The following CDC42SE2 variants were observed in gnomAD, a reference collection of about 807,000 sequenced individuals.
CDC42SE2 encodes the protein CDC42 small effector 2, also known as CDC42 small effector protein 2.
A neutral mutation model predicts 11.5 loss-of-function variants in CDC42SE2; 3 were observed. That is an observed-to-expected ratio of 0.26 (90% CI 0.12 to 0.67). The LOEUF (loss-of-function observed/expected upper bound fraction) is 0.67. Ranked by LOEUF, CDC42SE2 falls within the 30% of genes least tolerant of loss-of-function variation. The pLI is 0.80. For synonymous variants in CDC42SE2, 33 were observed against 34.8 expected (o/e 0.95, Z 0.18); for missense variants, 82 against 106.8 (o/e 0.77, Z 1.02).
intron 1 of CDC42SE2, among the ~76,000 whole-genome samples, chr5:131,301,148 G>A (rs1304228009): frequency 6.6e-6 from 1 of 152,134 alleles, no homozygotes; most frequent in East Asian, 1.9e-4. Context: ...CTGTGGGTGT[G>A]TATATGTGTT....
intron 1 of CDC42SE2, chr5:131,252,933 C>T (rs1756653148): frequency 6.6e-6 from 1 of 152,250 alleles, no homozygotes; most frequent in Admixed American, 6.5e-5. Flanking sequence ...ATTTCCTCCA[C>T]TAGATCTATC....
At chr5:131,235,193 AG>A in the CDC42SE2 span, among the ~76,000 whole-genome samples, 2 of 151,340 alleles carry the variant, frequency 1.3e-5, no homozygotes, top group African/African-American at 4.9e-5. Flanking sequence ...CTGGCCAGTG[AG>A]GGCAAATAGT....
intron 2 of CDC42SE2, among the ~76,000 whole-genome samples, chr5:131,337,985 C>G (rs1260209139): frequency 6.6e-6 from 1 of 152,246 alleles, no homozygotes; most frequent in Non-Finnish European, 1.5e-5. Context: ...CCGGCACTCC[C>G]CAGTGAGATG....
Position 131,316,107 on chromosome 5 carries a change from A to G in CDC42SE2, c.-323A>G, listed in dbSNP as rs550818352. ...GCATAATATGGAATGTTCTTAACCC[A>G]GAAGTAGCTGAATGTGTTACTCCAT... On this transcript the variant is annotated 5_prime_UTR_variant, in exon 2 of 5. Transcript: ENST00000505065. The G allele has an allele frequency of 1.3e-4, 20 of 152,498 alleles. No homozygotes were observed. Among genetic ancestry groups the G allele is most frequent in the African/African-American group, 4.3e-4 (18 of 41,586 alleles). 9.4% of individuals were successfully genotyped at this position (152,498 alleles called of 1,614,324 possible).
At chr5:131,340,734 G>T (rs751584462) in intron 2 of CDC42SE2, among the ~76,000 whole-genome samples, 3 of 151,550 alleles carry the variant, frequency 2.0e-5, no homozygotes, top group Non-Finnish European at 4.4e-5. Context: ...ATCCAGGCTG[G>T]AGTGCAGTGG....
chr5:131,289,874 C>T (rs1342035525), intron 1 of CDC42SE2, among the ~76,000 whole-genome samples: 1 of 151,766 alleles, frequency 6.6e-6, no homozygotes, highest in Non-Finnish European at 1.5e-5. Context: ...GGGACTCGCT[C>T]TGTCACCTAA....
chr5:131,293,777 G>C (rs1475994192), intron 1 of CDC42SE2, among the ~76,000 whole-genome samples: 1 of 152,138 alleles, frequency 6.6e-6, no homozygotes, highest in African/African-American at 2.4e-5. Context: ...TTTCTGTAAA[G>C]TATTACCTTC....
chr5:131,286,447 G>T (rs75063100), intron 1 of CDC42SE2, among the ~76,000 whole-genome samples: 4,272 of 141,544 alleles, frequency 0.03, 202 homozygotes, highest in African/African-American at 0.11. Context: ...AAGAAGGCAC[G>T]TATAGGGAGT....
intron 1 of CDC42SE2, among the ~76,000 whole-genome samples, chr5:131,285,634 A>G (rs1426819632): frequency 6.6e-6 from 1 of 152,308 alleles, no homozygotes; most frequent in Non-Finnish European, 1.5e-5. Context: ...AACAAACTCT[A>G]TTCTAGGATT....
At chr5:131,355,163 T>G (rs1032108661) in intron 2 of CDC42SE2, among the ~76,000 whole-genome samples, 2 of 152,242 alleles carry the variant, frequency 1.3e-5, no homozygotes, top group Admixed American at 1.3e-4. Context: ...ATATTCAACC[T>G]GTATGCTCTT....
At chr5:131,335,396 C>G (rs1484627324) in intron 2 of CDC42SE2, among the ~76,000 whole-genome samples, 1 of 152,080 alleles carries the variant, frequency 6.6e-6, no homozygotes, top group Non-Finnish European at 1.5e-5. Flanking sequence ...AGTATGTGGT[C>G]AATTTTGGAA....
chr5:131,263,099 ATT>A (rs370938077), upstream of CDC42SE2, among the ~76,000 whole-genome samples: 32,681 of 137,556 alleles, frequency 0.24, 3,306 homozygotes, highest in East Asian at 0.46. Flanking sequence ...CACCAGGGTA[ATT>A]TTTTTTTTTT....
At chr5:131,250,348 T>A (rs568509514) in intron 1 of CDC42SE2, among the ~76,000 whole-genome samples, 1 of 152,038 alleles carries the variant, frequency 6.6e-6, no homozygotes, top group East Asian at 1.9e-4. Flanking sequence ...TATTGACACA[T>A]GTTAGTTGAA....
intron 3 of CDC42SE2, among the ~76,000 whole-genome samples, chr5:131,362,214 T>G (rs1749730637): frequency 6.6e-6 from 1 of 152,176 alleles, no homozygotes; most frequent in Non-Finnish European, 1.5e-5. Flanking sequence ...AGTACAACAT[T>G]TACATATGTT....
the CDC42SE2 span, among the ~76,000 whole-genome samples, chr5:131,238,931 G>A: frequency 5.9e-5 from 9 of 152,034 alleles, no homozygotes; most frequent in African/African-American, 2.2e-4. Flanking sequence ...GCTGAGGCGG[G>A]TGGATCACGA....
At chr5:131,294,332 C>A (rs193048041) in intron 1 of CDC42SE2, among the ~76,000 whole-genome samples, 295 of 152,258 alleles carry the variant, frequency 1.9e-3, no homozygotes, top group Non-Finnish European at 3.4e-3. Context: ...ACAAATTACT[C>A]ATCAGTTTGG....
rs1211678637 is a variant in CDC42SE2 at position 131,359,445 on chromosome 5, G to A, written c.-49G>A. ...GGAGCGTATTTTTGGAACTTCCCGA[G>A]TTGAGATTTGGAACCTTCATTGGTG... On this transcript the variant is annotated 5_prime_UTR_variant, in exon 3 of 5. Coordinates refer to ENST00000505065, the MANE Select transcript of CDC42SE2 (RefSeq NM_001375635.1). 2.1e-6 allele frequency: 3 copies of A among 1,454,346 alleles called. No homozygotes were observed. The highest frequency in any genetic ancestry group is 1.4e-5 in the African/African-American group (1 of 72,016). The allele number at this position is 1,454,346 out of a possible 1,614,324, so 90.1% of individuals were successfully genotyped here.
chr5:131,306,410 T>A (rs1757778793), intron 1 of CDC42SE2, among the ~76,000 whole-genome samples: 3 of 152,160 alleles, frequency 2.0e-5, no homozygotes, highest in Admixed American at 2.0e-4. Context: ...TGACCATAAT[T>A]TGTAGGTTTA....
intron 2 of CDC42SE2, among the ~76,000 whole-genome samples, chr5:131,329,605 G>A (rs1300458168): frequency 1.3e-5 from 2 of 151,858 alleles, no homozygotes; most frequent in East Asian, 1.9e-4. Flanking sequence ...CAGGCTGGGC[G>A]CGGTAGCTCA....
Sources: allele counts gnomAD v4.1 joint callset (sites outside exome capture counted in the v4.1 genomes callset), GRCh38; gene constraint gnomAD v4.1.1; transcripts MANE v1.5; gene names NCBI Gene and HGNC (gene_info 2026-07-23, HGNC 2026-07-21).